The following VOPP1 variants were observed in gnomAD, a reference collection of about 807,000 sequenced individuals.
The protein encoded by VOPP1 is VOPP1 WW domain binding protein.
VOPP1 carries 8 observed loss-of-function variants against 23.5 expected under a neutral mutation model. That is an observed-to-expected ratio of 0.34 (90% CI 0.20 to 0.61). VOPP1 has a LOEUF of 0.61. Ranked by LOEUF, VOPP1 falls within the 20% of genes least tolerant of loss-of-function variation. VOPP1 has a pLI of 0.78. For synonymous variants in VOPP1, 83 were observed against 97.3 expected, an observed-to-expected ratio of 0.85 and a Z score of 0.86; for missense variants, 174 against 238.1, an observed-to-expected ratio of 0.73 and a Z score of 1.77.
intron 4 of VOPP1, among the ~76,000 whole-genome samples, chr7:55,440,944 CAA>C (rs1264317423): frequency 1.3e-5 from 2 of 152,192 alleles, no homozygotes; most frequent in African/African-American, 4.8e-5. Flanking sequence ...GTTCAGGGAT[CAA>C]AGAGGGGCAC....
chr7:55,446,296 G>T (rs927827712), intron 4 of VOPP1, among the ~76,000 whole-genome samples: 8 of 152,024 alleles, frequency 5.3e-5, no homozygotes, highest in African/African-American at 1.4e-4. Flanking sequence ...CCCGGCCGAG[G>T]TGATACATTT....
At chr7:55,538,192 CAA>C (rs1181930701) in intron 1 of VOPP1, among the ~76,000 whole-genome samples, 1 of 152,200 alleles carries the variant, frequency 6.6e-6, no homozygotes, top group Non-Finnish European at 1.5e-5. Context: ...CGAAGTATTG[CAA>C]AGTCAGTCTA....
intron 4 of VOPP1, among the ~76,000 whole-genome samples, chr7:55,484,909 T>C (rs143701928): frequency 0.017 from 2,609 of 152,254 alleles, 82 homozygotes; most frequent in African/African-American, 0.058. Context: ...CCCCGGGACA[T>C]GAATCCAGTA....
chr7:55,468,208 T>G (rs1262994130), downstream of VOPP1, among the ~76,000 whole-genome samples: 8 of 122,634 alleles, frequency 6.5e-5, no homozygotes, highest in African/African-American at 9.5e-5. Flanking sequence ...GAGGAGGAGG[T>G]GGAAGTGAGC....
Position 55,543,065 on chromosome 7 carries a change from G to A in VOPP1, c.55-21935C>T, listed in dbSNP as rs147796253. 1.9e-4 allele frequency among the ~76,000 whole-genome samples: 29 copies of A among 152,022 alleles called. No homozygotes were observed. In the East Asian group the frequency reaches 5.6e-3, roughly 30 times the overall value. On this transcript the variant is annotated intron_variant, in intron 1 of 4. Transcript: ENST00000285279. ...CGAGTAGCTGGGAATACAGGCACCTGCCACCACGCCCGGCTAATTTTTTGT... is the reference window on the plus strand; with the variant it reads ...CGAGTAGCTGGGAATACAGGCACCTACCACCACGCCCGGCTAATTTTTTGT...
intron 3 of VOPP1, 50 bp downstream of exon 3, chr7:55,497,554 TGGGGGGGGG>T: frequency 1.0e-6 from 1 of 973,962 alleles, no homozygotes. Context: ...ACAACACTGA[TGGGGGGGGG>T]GGGGGGGCAG....
At chr7:55,448,297 TATC>T (rs1583794305) in intron 4 of VOPP1, among the ~76,000 whole-genome samples, 1 of 147,330 alleles carries the variant, frequency 6.8e-6, no homozygotes, top group East Asian at 2.1e-4. Flanking sequence ...AATGTATCAA[TATC>T]ATAAAGTTCA....
intron 2 of VOPP1, among the ~76,000 whole-genome samples, chr7:55,502,614 CT>C (rs1331239083): frequency 2.0e-5 from 3 of 152,196 alleles, no homozygotes; most frequent in Non-Finnish European, 4.4e-5. Flanking sequence ...AATTGGGGCC[CT>C]AAGCACACAC....
At chr7:55,508,252 T>C (rs550657150) in intron 2 of VOPP1, among the ~76,000 whole-genome samples, 4 of 152,278 alleles carry the variant, frequency 2.6e-5, no homozygotes, top group East Asian at 1.9e-4. Context: ...TGCTGAACTT[T>C]GGTAACTACG....
chr7:55,517,351 T>C (rs538560341), intron 2 of VOPP1, among the ~76,000 whole-genome samples: 15 of 152,182 alleles, frequency 9.9e-5, no homozygotes, highest in African/African-American at 3.4e-4. Context: ...GTACCTTCCC[T>C]GTCCTGCACA....
chr7:55,477,273 T>A (rs938469033), intron 4 of VOPP1, among the ~76,000 whole-genome samples: 3 of 152,212 alleles, frequency 2.0e-5, no homozygotes, highest in African/African-American at 7.2e-5. Context: ...GGACAGAGCA[T>A]CACTCACCCT....
intron 4 of VOPP1, among the ~76,000 whole-genome samples, chr7:55,444,883 A>C (rs1791056858): frequency 6.6e-6 from 1 of 152,124 alleles, no homozygotes; most frequent in Admixed American, 6.6e-5. Flanking sequence ...CCATTTCTTA[A>C]ATTTGGCATT....
chr7:55,523,595 C>A (rs1796004376), intron 1 of VOPP1, among the ~76,000 whole-genome samples: 1 of 152,144 alleles, frequency 6.6e-6, no homozygotes, highest in East Asian at 1.9e-4. Context: ...AGCTTGCACA[C>A]CAATGAGAGC....
chr7:55,475,144 G>A (rs1229102962), intron 4 of VOPP1, among the ~76,000 whole-genome samples: 1 of 152,200 alleles, frequency 6.6e-6, no homozygotes, highest in African/African-American at 2.4e-5. Flanking sequence ...TTGTAAGGAT[G>A]GAAACGCTTG....
intron 4 of VOPP1, among the ~76,000 whole-genome samples, chr7:55,479,934 CTACT>C (rs1216146724): frequency 2.0e-5 from 3 of 148,652 alleles, no homozygotes; most frequent in Non-Finnish European, 3.0e-5. Context: ...TCTTCAGCAC[CTACT>C]GAGACAATCA....
chr7:55,564,264 T>A (rs1030596737), intron 1 of VOPP1, among the ~76,000 whole-genome samples: 6 of 150,928 alleles, frequency 4.0e-5, no homozygotes, highest in Admixed American at 1.3e-4. Context: ...TCTCTCTCTC[T>A]CTCGCTCGCT....
chr7:55,499,515 G>A (rs6953044), intron 2 of VOPP1, among the ~76,000 whole-genome samples: 87,344 of 152,160 alleles, frequency 0.57, 27,598 homozygotes, highest in Non-Finnish European at 0.68. Context: ...AACCCCTGCT[G>A]GGGAGGAGCT....
chr7:55,539,899 G>GCACACACACA lies in VOPP1; in HGVS notation c.55-18779_55-18770dup, dbSNP rs60831624. Among the ~76,000 whole-genome samples the GCACACACACA allele has an allele frequency of 5.5e-3, 762 of 139,302 alleles. 9 individuals carry two copies. The highest frequency in any genetic ancestry group is 0.01 in the Admixed American group (145 of 13,894). The allele number at this position is 139,302 out of a possible 152,430, so 91.4% of individuals were successfully genotyped here. On this transcript the variant is annotated intron_variant, in intron 1 of 4. Coordinates refer to ENST00000285279, the MANE Select transcript of VOPP1 (RefSeq NM_030796.5). ...CAAACGGGCGCATAACATAAGCGCT[G>GCACACACACA]CACACACACACACACACACACACAC...
chr7:55,561,829 C>T, intron 1 of VOPP1: 10 of 636,168 alleles, frequency 1.6e-5, no homozygotes, highest in South Asian at 1.4e-4. Flanking sequence ...GAGTAGCTTG[C>T]CCAAGTCGGG....
Sources: gnomAD v4.1 joint callset for allele counts (sites outside exome capture counted in the v4.1 genomes callset) on GRCh38, gnomAD v4.1.1 for gene constraint, MANE v1.5 for transcripts, NCBI Gene and HGNC (gene_info 2026-07-23, HGNC 2026-07-21) for gene names.